Variants in GYS1 observed in about 807,000 individuals in gnomAD.
GYS1 encodes glycogen [starch] synthase, muscle.
In GYS1, 60 loss-of-function variants were observed where a neutral mutation model predicts 89.1. The observed-to-expected ratio is 0.67, with a 90% CI of 0.55 to 0.84. GYS1 has a LOEUF of 0.84. Ranked by LOEUF, GYS1 falls within the 40% of genes least tolerant of loss-of-function variation. The probability of loss-of-function intolerance (pLI) is 0.00; values close to 1 mark genes in which losing one functional copy is unlikely to be tolerated. For missense variants in GYS1, 888 were observed against 1,003.1 expected (o/e 0.89, Z 1.55); for synonymous variants, 366 against 401.7 (o/e 0.91, Z 1.06).
Position 48,971,091 on chromosome 19 carries a change from G to C in GYS1, c.1550-68C>G, listed in dbSNP as rs201665562. 2.1e-4 allele frequency: 219 copies of C among 1,057,346 alleles called. No homozygotes were observed. In the East Asian group the frequency reaches 5.0e-3, roughly 24 times the overall value. The allele number at this position is 1,057,346 out of a possible 1,614,324, so 65.5% of individuals were successfully genotyped here. A position where few individuals can be genotyped will look rare whatever the true frequency, so the allele number is the denominator to read the frequency against. ...GCCTACCGTCTTAATCGCAATAGAC[G>C]CCTCAACACCGCCCTCTACTGGCGC... On this transcript the variant is annotated intron_variant, in intron 12 of 15. Coordinates refer to ENST00000323798, the MANE Select transcript of GYS1 (RefSeq NM_002103.5).
rs540185661 is a variant in GYS1 at position 48,990,975 on chromosome 19, G to A, written c.300+327C>T. Among the ~76,000 whole-genome samples, 419 of 152,244 alleles carry A rather than the reference G, an allele frequency of 2.8e-3. 4 individuals are homozygous for A. The highest frequency in any genetic ancestry group is 9.7e-3 in the African/African-American group (403 of 41,558). On this transcript the variant is annotated intron_variant, in intron 2 of 15. Coordinates refer to ENST00000323798, the MANE Select transcript of GYS1 (RefSeq NM_002103.5). ...ACACCCAGCTAATTTTTGTATTTTTGGTAGAGACGGGGTTTCGCCATGTTG... is the reference window on the plus strand; with the variant it reads ...ACACCCAGCTAATTTTTGTATTTTTAGTAGAGACGGGGTTTCGCCATGTTG...
chr19:48,979,336 C>CTTTTTTTTTTTTT lies in GYS1; in HGVS notation c.1170-1192_1170-1180dup, dbSNP rs777178030. Among the ~76,000 whole-genome samples the CTTTTTTTTTTTTT allele has an allele frequency of 2.1e-3, 191 of 92,698 alleles. 13 individuals carry two copies. The highest frequency in any genetic ancestry group is 2.9e-3 in the Non-Finnish European group (128 of 44,868). The allele number at this position is 92,698 out of a possible 152,430, so 60.8% of individuals were successfully genotyped here. On this transcript the variant is annotated intron_variant, in intron 8 of 15. Coordinates refer to ENST00000323798, the MANE Select transcript of GYS1 (RefSeq NM_002103.5). ...TTTGTCTCTTTTTCTTTTTTCTTTTCTTTTTTTTTTTTTTTTTTTTTTTTT... is the reference window on the plus strand; with the variant it reads ...TTTGTCTCTTTTTCTTTTTTCTTTTCTTTTTTTTTTTTTTTTTTTTTTTTTTTTTTTTTTTTTT...
In GYS1 at chr19:48,991,194, C is replaced by T. The variant is rs1344364415; in HGVS notation, c.300+108G>A. On this transcript the variant is annotated intron_variant, in intron 2 of 15. Coordinates refer to ENST00000323798, the MANE Select transcript of GYS1 (RefSeq NM_002103.5). This position sits in a 1 kb window ranked among gnomAD's most constrained non-coding sequence, Gnocchi z 4.7. The stretch of plus-strand genomic sequence containing the variant: ...CGCCTCCTTCCTGTGTCCAAGCCTG[C>T]CTCGCTCTCTGGCTGGGGCTGTCCA... 30 of 1,222,956 alleles carry T rather than the reference C, an allele frequency of 2.5e-5. No homozygotes were observed. In the East Asian group the frequency reaches 6.5e-4, roughly 27 times the overall value. 75.8% of individuals were successfully genotyped at this position (1,222,956 alleles called of 1,614,324 possible). A position where few individuals can be genotyped will look rare whatever the true frequency, so the allele number is the denominator to read the frequency against.
intron 8 of GYS1, 62 bp from the exon 9 acceptor site, chr19:48,978,219 TTAGTTA>T: frequency 7.4e-7 from 1 of 1,354,248 alleles, no homozygotes; most frequent in Non-Finnish European, 1.1e-6. Flanking sequence ...TTAGGCTTCT[TTAGTTA>T]GTTTGTTTGT....
intron 2 of GYS1, among the ~76,000 whole-genome samples, chr19:48,989,308 C>G (rs2038887260): frequency 6.6e-6 from 1 of 151,566 alleles, no homozygotes; most frequent in Non-Finnish European, 1.5e-5. Flanking sequence ...ATGGTGAAAC[C>G]CTGTCTCTAC....
chr19:48,978,111 C>T lies in GYS1; in HGVS notation c.1216G>A (p.Glu406Lys). The T allele has an allele frequency of 1.2e-6, 2 of 1,614,054 alleles. No homozygotes were observed. The highest frequency in any genetic ancestry group is 1.7e-6 in the Non-Finnish European group (2 of 1,179,938). The change falls in exon 9 of 16, where the codon GAA becomes AAA. Residue 406 changes from glutamate (E) to lysine (K), a missense_variant. Physicochemically the swap from Glu to Lys is moderately conservative, Grantham distance 56. Transcript: ENST00000323798. Reference sequence around the variant, plus strand: ...TGGGGCACTCACACCAGTAAGGATTCATAAAGCTTCCTCCCGAACTTTTCC... The same window carrying T: ...TGGGGCACTCACACCAGTAAGGATTTATAAAGCTTCCTCCCGAACTTTTCC... ...VKEKFGRKLY[E>K]SLLVGSLPDM...
At position 48,982,243 on chromosome 19, in the gene GYS1, C is replaced by T; in HGVS notation, c.1062+12G>A. ...GCTTGCCCTCCCTGTCCCCTCATAGCCCAGGCCTCACTCTGAGCAGATAGT... is the reference window on the plus strand; with the variant it reads ...GCTTGCCCTCCCTGTCCCCTCATAGTCCAGGCCTCACTCTGAGCAGATAGT... On this transcript the variant is annotated intron_variant, in intron 7 of 15. Transcript: ENST00000323798. 1 of 1,613,216 alleles carries T rather than the reference C, an allele frequency of 6.2e-7. No individual in the cohort carries two copies. The highest frequency in any genetic ancestry group is 8.5e-7 in the Non-Finnish European group (1 of 1,179,482).
At chr19:48,979,331 C>CTTTTTTTTTTTTTTTT (rs1568620568) in intron 8 of GYS1, among the ~76,000 whole-genome samples, 1 of 46,354 alleles carries the variant, frequency 2.2e-5, no homozygotes, top group Non-Finnish European at 4.6e-5. Context: ...TTTCTTTTTT[C>CTTTTTTTTTTTTTTTT]TTTTCTTTTT....
At chr19:48,976,937 T>C (rs112611004) in intron 10 of GYS1, among the ~76,000 whole-genome samples, 2,697 of 151,972 alleles carry the variant, frequency 0.018, 70 homozygotes, top group African/African-American at 0.061. Flanking sequence ...AACAGGTGTA[T>C]GCCACTATGC....
intron 1 of GYS1, among the ~76,000 whole-genome samples, chr19:48,992,608 C>G (rs1286540518): frequency 6.6e-6 from 1 of 152,172 alleles, no homozygotes; most frequent in African/African-American, 2.4e-5. Context: ...GTTTTATCCC[C>G]TAGACCATGC....
intron 3 of GYS1, among the ~76,000 whole-genome samples, 155 bp downstream of exon 3, chr19:48,987,039 C>T (rs185864319): frequency 6.6e-6 from 1 of 152,266 alleles, no homozygotes. Context: ...GAGCCTGGGC[C>T]CTTGGATGTT....
rs777178030 is a variant in GYS1, at chr19:48,979,336, C to CTTTTTTTTTTTTTTT, written c.1170-1194_1170-1180dup. ...TTTGTCTCTTTTTCTTTTTTCTTTT[C>CTTTTTTTTTTTTTTT]TTTTTTTTTTTTTTTTTTTTTTTTT... On this transcript the variant is annotated intron_variant, in intron 8 of 15. Coordinates refer to ENST00000323798, the MANE Select transcript of GYS1 (RefSeq NM_002103.5). Among the ~76,000 whole-genome samples, 39 of 92,742 alleles carry CTTTTTTTTTTTTTTT rather than the reference C, an allele frequency of 4.2e-4. 6 individuals carry two copies. Among genetic ancestry groups the CTTTTTTTTTTTTTTT allele is most frequent in the African/African-American group, 5.3e-4 (14 of 26,450 alleles). The allele number at this position is 92,742 out of a possible 152,430, so 60.8% of individuals were successfully genotyped here. A position where few individuals can be genotyped will look rare whatever the true frequency, so the allele number is the denominator to read the frequency against.
intron 14 of GYS1, chr19:48,970,162 A>T (rs1028377382): frequency 1.1e-4 from 55 of 484,512 alleles, no homozygotes; most frequent in Non-Finnish European, 1.8e-4. Flanking sequence ...TTGTTCTGTT[A>T]CTCTAGGATG....
Position 48,986,486 on chromosome 19 carries a change from CTTCTTTTTTTTTTTTTCTTT to C in GYS1, c.493-471_493-452del, listed in dbSNP as rs1222111470. Among the ~76,000 whole-genome samples, 10 of 150,872 alleles carry C rather than the reference CTTCTTTTTTTTTTTTTCTTT, an allele frequency of 6.6e-5. No individual in the cohort carries two copies. In the South Asian group the frequency reaches 1.5e-3, roughly 22 times the overall value. On this transcript the variant is annotated intron_variant, in intron 3 of 15. Transcript: ENST00000323798. ...TTGTCCCAGGGCATGAGAAATTAAG[CTTCTTTTTTTTTTTTTCTTT>C]TTCTTTTTTTTTTTGAGACAGTGTC...
chr19:48,987,310 G>A lies in GYS1; in HGVS notation c.376C>T (p.Leu126=), dbSNP rs770270975. 3.1e-6 allele frequency: 5 copies of A among 1,612,530 alleles called. No individual in the cohort carries two copies. Among genetic ancestry groups the A allele is most frequent in the African/African-American group, 1.3e-5 (1 of 74,910 alleles). The change falls in exon 3 of 16, where the codon CTG becomes TTG. Residue 126 remains leucine, a synonymous_variant. Coordinates refer to ENST00000323798, the MANE Select transcript of GYS1 (RefSeq NM_002103.5). ...CAGAGCTCTCCCTTCCAGCGCTCCA[G>A]GGCCCAAGCTGAGGCACCCACGTCC... The part of the protein sequence containing the change: ...LLDVGASAWA[L]ERWKGELWDT...
At chr19:48,979,646 C>CTTTT (rs56291141) in intron 8 of GYS1, among the ~76,000 whole-genome samples, 89 of 114,914 alleles carry the variant, frequency 7.7e-4, no homozygotes, top group African/African-American at 8.5e-4. Context: ...CTCTTTCTTT[C>CTTTT]TTTTTTTTTT....
In GYS1 at chr19:48,987,232, C is replaced by G; in HGVS notation, c.454G>C (p.Val152Leu). ...CAGGTGGTCAGAAAGCCAAAGAGGA[C>G]AGCGTCGTTGGCCTCGCGGTCGTAC... ...PWYDREANDA[V>L]LFGFLTTWFL... Residue 152 changes from valine (V) to leucine (L), a missense_variant, in exon 3 of 16, where the codon GTC becomes CTC. Physicochemically the swap from Val to Leu is conservative, Grantham distance 32 (BLOSUM62 1). Coordinates refer to ENST00000323798, the MANE Select transcript of GYS1 (RefSeq NM_002103.5). 3 of 1,613,596 alleles carry G rather than the reference C, an allele frequency of 1.9e-6. No individual in the cohort carries two copies. Among genetic ancestry groups the G allele is most frequent in the Non-Finnish European group, 2.5e-6 (3 of 1,179,700 alleles).
At chr19:48,982,064 T>C (rs2038772689) in intron 7 of GYS1, among the ~76,000 whole-genome samples, 191 bp downstream of exon 7, 1 of 151,920 alleles carries the variant, frequency 6.6e-6, no homozygotes, top group Admixed American at 6.6e-5. Flanking sequence ...GGCTAATTTT[T>C]GTATTTTTTG....
At chr19:48,977,016 T>A (rs377319698) in intron 10 of GYS1, among the ~76,000 whole-genome samples, 3 of 151,890 alleles carry the variant, frequency 2.0e-5, no homozygotes, top group African/African-American at 7.3e-5. Flanking sequence ...CTCAAACTCC[T>A]GGGCTCAAGC....
Sources: gnomAD v4.1 joint callset for allele counts (sites outside exome capture counted in the v4.1 genomes callset) on GRCh38, gnomAD v4.1.1 for gene constraint, Gnocchi (gnomAD v3.1) non-coding constraint, MANE v1.5 for transcripts, NCBI Gene and HGNC (gene_info 2026-07-23, HGNC 2026-07-21) for gene names.